VWDE: variants seen among roughly 807,000 people sequenced by gnomAD.
VWDE encodes the protein von Willebrand factor D and EGF domains.
Under a neutral mutation model 178.4 loss-of-function variants are expected in VWDE, and 207 were observed. The observed-to-expected ratio is 1.16, with a 90% CI of 1.04 to 1.30. The LOEUF (loss-of-function observed/expected upper bound fraction) is 1.30, where lower values mean the gene tolerates loss of function less well. Ranked by LOEUF, VWDE falls within the 50% of genes most tolerant of loss-of-function variation. The pLI is 0.00. For missense variants in VWDE, 2,287 were observed against 1,901.3 expected (o/e 1.20, Z -3.77); for synonymous variants, 738 against 651.4 (o/e 1.13, Z -2.02).
intron 21 of VWDE, 32 bp downstream of exon 21, chr7:12,344,163 C>T: frequency 6.6e-7 from 1 of 1,523,946 alleles, no homozygotes. Flanking sequence ...ATATTTTAGG[C>T]CTTATATTTG....
Position 12,390,037 on chromosome 7 carries a change from C to T in VWDE, c.244-679G>A, listed in dbSNP as rs537257459. 3.2e-4 allele frequency among the ~76,000 whole-genome samples: 49 copies of T among 151,802 alleles called. 1 individual carries two copies. The highest frequency in any genetic ancestry group is 1.2e-3 in the African/African-American group (49 of 41,412). ...AGAATTAGCCGGGTGTGGTGGCGTG[C>T]GCCTGTAATCCCAGCTACTCAGGAG... On this transcript the variant is annotated intron_variant, in intron 2 of 28. Coordinates refer to ENST00000275358, the MANE Select transcript of VWDE (RefSeq NM_001135924.3).
intron 19 of VWDE, among the ~76,000 whole-genome samples, chr7:12,348,419 A>G (rs1185064457): frequency 7.8e-6 from 1 of 128,078 alleles, no homozygotes; most frequent in African/African-American, 3.3e-5. Context: ...GTTGAAGGAC[A>G]TGAACAGACA....
At chr7:12,402,394 C>T (rs1002027549) in intron 1 of VWDE, among the ~76,000 whole-genome samples, 3 of 152,134 alleles carry the variant, frequency 2.0e-5, no homozygotes, top group African/African-American at 7.2e-5. Flanking sequence ...CCATTTACCT[C>T]GTCTTCTAGT....
At position 12,373,324 on chromosome 7, in the gene VWDE, T is replaced by A. The variant is rs1783320235; in HGVS notation, c.1317-77A>T. 4.2e-6 allele frequency: 6 copies of A among 1,417,638 alleles called. No individual in the cohort carries two copies. The South Asian group carries it at 7.6e-5, about 18-fold the overall frequency. The allele number at this position is 1,417,638 out of a possible 1,614,324, so 87.8% of individuals were successfully genotyped here. On this transcript the variant is annotated intron_variant, in intron 9 of 28. Transcript: ENST00000275358. ...TAGTATGTTATTGATTTGCAACAGC[T>A]TTATGTATCACGATCATTTTGTTGT...
intron 3 of VWDE, 80 bp from the exon 4 acceptor site, chr7:12,383,681 T>C (rs1286422607): frequency 2.5e-6 from 3 of 1,211,362 alleles, no homozygotes; most frequent in African/African-American, 3.0e-5. Flanking sequence ...TGACAATTTA[T>C]TGAAGGATGA....
At chr7:12,350,987 G>T (rs545068233) in intron 19 of VWDE, among the ~76,000 whole-genome samples, 31 of 152,214 alleles carry the variant, frequency 2.0e-4, no homozygotes, top group African/African-American at 7.0e-4. Flanking sequence ...GTACATCAGA[G>T]TATTCAGTAA....
chr7:12,374,328 T>C (rs1783389400), intron 9 of VWDE, among the ~76,000 whole-genome samples: 1 of 152,086 alleles, frequency 6.6e-6, no homozygotes, highest in African/African-American at 2.4e-5. Flanking sequence ...TTTAATCATT[T>C]TGCCTAAACT....
chr7:12,366,400 T>TG (rs887858931), intron 13 of VWDE, among the ~76,000 whole-genome samples: 4 of 152,144 alleles, frequency 2.6e-5, no homozygotes, highest in African/African-American at 9.6e-5. Context: ...AATTCGCTCC[T>TG]GGCACATCAC....
chr7:12,344,488 A>T lies in VWDE; in HGVS notation c.3887-19T>A. 3 of 1,530,464 alleles carry T rather than the reference A, an allele frequency of 2.0e-6. No homozygotes were observed. Among genetic ancestry groups the T allele is most frequent in the Non-Finnish European group, 2.6e-6 (3 of 1,134,850 alleles). 94.8% of individuals were successfully genotyped at this position (1,530,464 alleles called of 1,614,324 possible). A position where few individuals can be genotyped will look rare whatever the true frequency, so the allele number is the denominator to read the frequency against. ...CAAATGGCTAAAAAAAAATCAAAGA[A>T]AAAAAGGTTGATTGCTAAAACAGAA... On this transcript the variant is annotated intron_variant, in intron 19 of 28. Transcript: ENST00000275358.
intron 1 of VWDE, among the ~76,000 whole-genome samples, chr7:12,394,782 A>T (rs1291092456): frequency 1.3e-5 from 2 of 152,166 alleles, no homozygotes; most frequent in African/African-American, 4.8e-5. Context: ...AAGGTGAAAG[A>T]AACAATTCAG....
chr7:12,373,380 C>A, intron 9 of VWDE, 133 bp from the exon 10 acceptor site: 1 of 846,502 alleles, frequency 1.2e-6, no homozygotes, highest in Admixed American at 2.5e-5. Flanking sequence ...TAGTCATAAA[C>A]ACCTCAATCT....
intron 2 of VWDE, among the ~76,000 whole-genome samples, chr7:12,390,164 C>T (rs1001324400): frequency 9.5e-6 from 1 of 105,734 alleles, no homozygotes; most frequent in African/African-American, 3.7e-5. Flanking sequence ...GACTCCATCT[C>T]AAAAAAAAAA....
In VWDE at chr7:12,370,070, G is replaced by T; in HGVS notation, c.2236C>A (p.Arg746=). The T allele has an allele frequency of 2.6e-6, 4 of 1,551,500 alleles. No individual in the cohort carries two copies. The highest frequency in any genetic ancestry group is 3.5e-6 in the Non-Finnish European group (4 of 1,146,898). Residue 746 remains arginine, a synonymous_variant, in exon 12 of 29, where the codon CGA becomes AGA. Coordinates refer to ENST00000275358, the MANE Select transcript of VWDE (RefSeq NM_001135924.3). ...TTCTGCCGTTTCCATCTGTTTTGTC[G>T]ATTGTACCTCATTTCTTGGCTGTGG... ...GSHSQEMRYN[R]QNRWKRQNFH...
intron 1 of VWDE, among the ~76,000 whole-genome samples, chr7:12,395,522 C>G (rs951832464): frequency 2.0e-5 from 3 of 151,912 alleles, no homozygotes; most frequent in African/African-American, 7.3e-5. Flanking sequence ...TAATACAAAG[C>G]CGAAAATGTA....
At chr7:12,346,905 C>G (rs4499984) in intron 19 of VWDE, among the ~76,000 whole-genome samples, 25 of 152,202 alleles carry the variant, frequency 1.6e-4, no homozygotes, top group African/African-American at 5.5e-4. Flanking sequence ...CAGAAAAAGA[C>G]AGAAGAAAAT....
In VWDE at chr7:12,379,727, T is replaced by C. The variant is rs547461161; in HGVS notation, c.790-161A>G. On this transcript the variant is annotated intron_variant, in intron 5 of 28. Coordinates refer to ENST00000275358, the MANE Select transcript of VWDE (RefSeq NM_001135924.3). ...AGCTTACTTGATATTTCAGAAAAAT[T>C]CCATCATTATAAAATATGACGTATT... 6.6e-5 allele frequency among the ~76,000 whole-genome samples: 10 copies of C among 152,284 alleles called. No individual in the cohort carries two copies. In the East Asian group the frequency reaches 1.9e-3, roughly 29 times the overall value.
chr7:12,384,365 C>A (rs1006789143), intron 3 of VWDE, among the ~76,000 whole-genome samples: 2 of 151,846 alleles, frequency 1.3e-5, no homozygotes, highest in Non-Finnish European at 2.9e-5. Context: ...GGTGAACAGG[C>A]AGAGCATAGG....
intron 17 of VWDE, among the ~76,000 whole-genome samples, chr7:12,356,967 T>C (rs1782281217): frequency 6.6e-6 from 1 of 152,228 alleles, no homozygotes; most frequent in Non-Finnish European, 1.5e-5. Context: ...CTTAGATTAA[T>C]CACACATCTT....
rs1783793527 is a variant in VWDE, at chr7:12,380,564, C to T, written c.711G>A (p.Glu237=). The T allele has an allele frequency of 6.4e-7, 1 of 1,552,014 alleles. No individual in the cohort carries two copies. The highest frequency in any genetic ancestry group is 1.4e-5 in the African/African-American group (1 of 73,030). ...GAACTGTGGTCTCTTGTGTCAGCTC[C>T]TCTTTGACTTCTTGAGAAGAAAGCC... The part of the protein sequence containing the change: ...WSRLSSQEVK[E]ELTQETTVQA... Residue 237 remains glutamate, a synonymous_variant, in exon 5 of 29, where the codon GAG becomes GAA. Transcript: ENST00000275358.
Sources: allele counts gnomAD v4.1 joint callset (sites outside exome capture counted in the v4.1 genomes callset), GRCh38; gene constraint gnomAD v4.1.1; transcripts MANE v1.5; gene names NCBI Gene and HGNC (gene_info 2026-07-23, HGNC 2026-07-21).